The following PARD3 variants were observed in gnomAD, a reference collection of about 807,000 sequenced individuals.
The protein encoded by PARD3 is par-3 family cell polarity regulator, also known as partitioning defective 3 homolog.
PARD3 carries 75 observed loss-of-function variants against 155.4 expected under a neutral mutation model. The observed-to-expected ratio is 0.48, with a 90% CI of 0.40 to 0.58. The LOEUF (loss-of-function observed/expected upper bound fraction) is 0.58. Ranked by LOEUF, PARD3 falls within the 20% of genes least tolerant of loss-of-function variation. The pLI is 0.00. For synonymous variants in PARD3, 576 were observed against 610.5 expected, an observed-to-expected ratio of 0.94 and a Z score of 0.83; for missense variants, 1,642 against 1,721.7, an observed-to-expected ratio of 0.95 and a Z score of 0.82.
At chr10:34,233,472 A>G (rs1163894115) in intron 22 of PARD3, among the ~76,000 whole-genome samples, 1 of 151,846 alleles carries the variant, frequency 6.6e-6, no homozygotes, top group Non-Finnish European at 1.5e-5. Context: ...CTGCATGTTG[A>G]TTTCCACATC....
chr10:34,765,197 T>C (rs1837932757), intron 1 of PARD3, among the ~76,000 whole-genome samples: 1 of 152,068 alleles, frequency 6.6e-6, no homozygotes, highest in Admixed American at 6.5e-5. Flanking sequence ...CAAAGAAAAA[T>C]ACAAAGTTTA....
intron 7 of PARD3, among the ~76,000 whole-genome samples, chr10:34,395,109 A>G (rs745999948): frequency 1.4e-4 from 22 of 152,128 alleles, no homozygotes; most frequent in Non-Finnish European, 2.6e-4. Flanking sequence ...ATCTTGGCTC[A>G]CTGCAAACTC....
At chr10:34,224,021 T>G (rs1018005494) in intron 22 of PARD3, among the ~76,000 whole-genome samples, 4 of 152,216 alleles carry the variant, frequency 2.6e-5, no homozygotes, top group African/African-American at 9.6e-5. Flanking sequence ...AGCTTGTTCT[T>G]AAACCTTGAG....
intron 1 of PARD3, among the ~76,000 whole-genome samples, chr10:34,739,709 CCCTAAACTTAGGAATGCAT>C (rs1383881537): frequency 1.3e-5 from 2 of 152,186 alleles, no homozygotes; most frequent in African/African-American, 4.8e-5. Context: ...TCACAGCTTT[CCCTAAACTTAGGAATGCAT>C]CCTAAACTAC....
At chr10:34,520,571 C>T (rs140233495) in intron 2 of PARD3, among the ~76,000 whole-genome samples, 1 of 152,226 alleles carries the variant, frequency 6.6e-6, no homozygotes, top group East Asian at 1.9e-4. Context: ...GGTCAATGGG[C>T]AAACTTTCTC....
chr10:34,556,375 T>C (rs928794641), intron 2 of PARD3, among the ~76,000 whole-genome samples: 2 of 136,108 alleles, frequency 1.5e-5, no homozygotes, highest in Non-Finnish European at 3.0e-5. Context: ...TCCAATTCCT[T>C]TTCTTCTTTC....
intron 19 of PARD3, among the ~76,000 whole-genome samples, chr10:34,319,361 C>G (rs1419361253): frequency 6.6e-6 from 1 of 152,178 alleles, no homozygotes; most frequent in Non-Finnish European, 1.5e-5. Flanking sequence ...GCTGGGATTA[C>G]AGGGGTGAGT....
intron 1 of PARD3, among the ~76,000 whole-genome samples, chr10:34,769,431 C>G (rs1013677567): frequency 3.3e-5 from 5 of 152,164 alleles, no homozygotes; most frequent in Non-Finnish European, 5.9e-5. Flanking sequence ...TTCAGCCCAC[C>G]TCCTCCCATT....
At chr10:34,386,975 G>A (rs771746125) in intron 7 of PARD3, among the ~76,000 whole-genome samples, 2 of 152,112 alleles carry the variant, frequency 1.3e-5, no homozygotes, top group Non-Finnish European at 2.9e-5. Flanking sequence ...TGAAGGAAAC[G>A]ATGTCTCAGT....
At chr10:34,185,349 TC>T (rs1950438568) in intron 22 of PARD3, among the ~76,000 whole-genome samples, 1 of 152,222 alleles carries the variant, frequency 6.6e-6, no homozygotes, top group South Asian at 2.1e-4. Context: ...AAGAATGCTG[TC>T]TTTCATATCC....
At chr10:34,735,275 A>C (rs1456542018) in intron 1 of PARD3, among the ~76,000 whole-genome samples, 1 of 152,228 alleles carries the variant, frequency 6.6e-6, no homozygotes, top group East Asian at 1.9e-4. Flanking sequence ...TCCATACACA[A>C]GAATAAAGCT....
At chr10:34,346,949 T>C (rs1401367010) in intron 15 of PARD3, among the ~76,000 whole-genome samples, 1 of 152,216 alleles carries the variant, frequency 6.6e-6, no homozygotes, top group Non-Finnish European at 1.5e-5. Context: ...AAGGCAGAGA[T>C]TGCTTCTTAC....
At chr10:34,792,374 G>A (rs527472294) in intron 1 of PARD3, among the ~76,000 whole-genome samples, 6 of 152,138 alleles carry the variant, frequency 3.9e-5, no homozygotes, top group Non-Finnish European at 8.8e-5. Flanking sequence ...CACAGGTACC[G>A]CACCCAGCAC....
intron 5 of PARD3, among the ~76,000 whole-genome samples, chr10:34,415,959 T>C (rs1845632350): frequency 6.6e-6 from 1 of 151,932 alleles, no homozygotes; most frequent in Admixed American, 6.6e-5. Flanking sequence ...ATTAACTGAG[T>C]GGTCATAGAT....
intron 3 of PARD3, among the ~76,000 whole-genome samples, chr10:34,490,390 CAGAG>C (rs57588434): frequency 8.7e-5 from 13 of 149,594 alleles, no homozygotes; most frequent in East Asian, 3.9e-4. Flanking sequence ...GGGCACATTA[CAGAG>C]AGAGAGAGAG....
At chr10:34,397,806 T>A (rs1468664617) in intron 7 of PARD3, among the ~76,000 whole-genome samples, 1 of 152,168 alleles carries the variant, frequency 6.6e-6, no homozygotes, top group African/African-American at 2.4e-5. Flanking sequence ...TTGTGATGAG[T>A]TATGTTTCAC....
intron 10 of PARD3, among the ~76,000 whole-genome samples, chr10:34,376,955 T>C (rs1336998675): frequency 1.3e-5 from 2 of 152,250 alleles, no homozygotes; most frequent in African/African-American, 2.4e-5. Flanking sequence ...TTCTCTTTTA[T>C]GTGCAAACCA....
chr10:34,285,397 G>A (rs777523494), intron 20 of PARD3, among the ~76,000 whole-genome samples: 1 of 151,966 alleles, frequency 6.6e-6, no homozygotes, highest in African/African-American at 2.4e-5. Flanking sequence ...GCAACATAGC[G>A]AGACCTCGTC....
At chr10:34,211,579 C>T (rs191340689) in intron 22 of PARD3, among the ~76,000 whole-genome samples, 4 of 152,168 alleles carry the variant, frequency 2.6e-5, no homozygotes, top group Non-Finnish European at 5.9e-5. Flanking sequence ...ATCAGGAGTT[C>T]GAGACTAGCC....
Sources: gnomAD v4.1 joint callset for allele counts (sites outside exome capture counted in the v4.1 genomes callset) on GRCh38, gnomAD v4.1.1 for gene constraint, MANE v1.5 for transcripts, NCBI Gene and HGNC (gene_info 2026-07-23, HGNC 2026-07-21) for gene names.